The following CCDC149 variants were observed in gnomAD, a reference collection of about 807,000 sequenced individuals.
The protein encoded by CCDC149 is coiled-coil domain-containing protein 149.
In CCDC149, 45 loss-of-function variants were observed where a neutral mutation model predicts 59.9. The observed-to-expected ratio is 0.75, with a 90% CI of 0.59 to 0.96. The LOEUF (loss-of-function observed/expected upper bound fraction) is 0.96. Among genes scored for constraint, CCDC149 ranks in the 40% least tolerant of loss-of-function variants. The probability of loss-of-function intolerance (pLI) is 0.00; values close to 1 mark genes in which losing one functional copy is unlikely to be tolerated. For synonymous variants in CCDC149, 245 were observed against 260.6 expected, an observed-to-expected ratio of 0.94 and a Z score of 0.58; for missense variants, 584 against 664.7, an observed-to-expected ratio of 0.88 and a Z score of 1.33.
chr4:24,821,050 C>A lies in CCDC149; in HGVS notation c.1075+5G>T. The A allele has an allele frequency of 8.1e-7, 1 of 1,230,462 alleles. No individual in the cohort carries two copies. The highest frequency in any genetic ancestry group is 1.0e-6 in the Non-Finnish European group (1 of 986,912). 76.2% of individuals were successfully genotyped at this position (1,230,462 alleles called of 1,614,324 possible). On this transcript the variant is annotated splice_donor_5th_base_variant and intron_variant, in intron 11 of 12. Coordinates refer to ENST00000635206, the MANE Select transcript of CCDC149 (RefSeq NM_001330643.2). Reference sequence around the variant, plus strand: ...ACAAAAACGGATATTTTAAACAGAACATACTCCCAAATCCTACTGAAACAT... The same window carrying A: ...ACAAAAACGGATATTTTAAACAGAAAATACTCCCAAATCCTACTGAAACAT...
chr4:24,887,480 C>G (rs1227843843), intron 1 of CCDC149, among the ~76,000 whole-genome samples: 1 of 152,168 alleles, frequency 6.6e-6, no homozygotes, highest in African/African-American at 2.4e-5. Flanking sequence ...AACTTCTCAG[C>G]TGCAGACTCA....
chr4:24,819,760 G>A lies in CCDC149; in HGVS notation c.1192+99C>T, dbSNP rs887711332. 11 of 842,872 alleles carry A rather than the reference G, an allele frequency of 1.3e-5. No homozygotes were observed. The African/African-American group carries it at 1.8e-4, about 14-fold the overall frequency. The allele number at this position is 842,872 out of a possible 1,614,324, so 52.2% of individuals were successfully genotyped here. A position where few individuals can be genotyped will look rare whatever the true frequency, so the allele number is the denominator to read the frequency against. ...GGAATGTCCCAATGATGCCAAAGCA[G>A]CAGCACAAAGGGGAAGGGGAAGAGA... On this transcript the variant is annotated intron_variant, in intron 12 of 12. Coordinates refer to ENST00000635206, the MANE Select transcript of CCDC149 (RefSeq NM_001330643.2).
intron 1 of CCDC149, among the ~76,000 whole-genome samples, chr4:24,943,809 A>G (rs1380723190): frequency 6.6e-6 from 1 of 152,258 alleles, no homozygotes; most frequent in Non-Finnish European, 1.5e-5. Flanking sequence ...AACACATGAA[A>G]CAATGCTCAT....
At chr4:24,866,108 T>C (rs1281978712) in intron 3 of CCDC149, among the ~76,000 whole-genome samples, 2 of 152,152 alleles carry the variant, frequency 1.3e-5, no homozygotes, top group African/African-American at 4.8e-5. Context: ...GAGACTAAAA[T>C]AAGCTTGACC....
At chr4:24,975,762 C>T (rs1173529702) in intron 1 of CCDC149, among the ~76,000 whole-genome samples, 2 of 151,970 alleles carry the variant, frequency 1.3e-5, no homozygotes, top group Non-Finnish European at 2.9e-5. Context: ...GGAGAAGTAA[C>T]GGGTCCCAGG....
At chr4:24,884,716 C>T (rs1018051795) in intron 1 of CCDC149, among the ~76,000 whole-genome samples, 1 of 152,136 alleles carries the variant, frequency 6.6e-6, no homozygotes, top group East Asian at 1.9e-4. Flanking sequence ...TCAGTTTCTC[C>T]ATTTTTAAAT....
chr4:24,818,187 G>A (rs559840367), intron 12 of CCDC149, among the ~76,000 whole-genome samples: 3 of 152,166 alleles, frequency 2.0e-5, no homozygotes, highest in African/African-American at 7.2e-5. Context: ...TGTAGATGGA[G>A]ATGGAAGGTT....
chr4:24,837,296 C>T lies in CCDC149; in HGVS notation c.594G>A (p.Glu198=), dbSNP rs1716603564. The change falls in exon 6 of 13, where the codon GAG becomes GAA. Residue 198 remains glutamate, a synonymous_variant. Coordinates refer to ENST00000635206, the MANE Select transcript of CCDC149 (RefSeq NM_001330643.2). The surrounding 1 kb of genome is among the most constrained non-coding windows in gnomAD (Gnocchi z 4.3). Reference sequence around the variant, plus strand: ...CGTGCCCACTCAGGATATGGTTCAGCTCCTGGTTGAGCCTCTCCACTTTGT... The same window carrying T: ...CGTGCCCACTCAGGATATGGTTCAGTTCCTGGTTGAGCCTCTCCACTTTGT... The T allele has an allele frequency of 1.2e-6, 2 of 1,614,218 alleles. No homozygotes were observed. Among genetic ancestry groups the T allele is most frequent in the Non-Finnish European group, 1.7e-6 (2 of 1,180,032 alleles).
intron 1 of CCDC149, among the ~76,000 whole-genome samples, chr4:24,899,948 T>C (rs1721073281): frequency 6.6e-6 from 1 of 152,154 alleles, no homozygotes; most frequent in Non-Finnish European, 1.5e-5. Context: ...TGTCTGTACC[T>C]TTGCCATCTC....
chr4:24,952,154 G>GC (rs1363146257), intron 1 of CCDC149, among the ~76,000 whole-genome samples: 3 of 152,166 alleles, frequency 2.0e-5, no homozygotes, highest in African/African-American at 7.2e-5. Context: ...GCATGGTGAA[G>GC]CATACGTGTA....
chr4:24,846,763 G>A (rs150339327), intron 4 of CCDC149, among the ~76,000 whole-genome samples: 3 of 152,164 alleles, frequency 2.0e-5, no homozygotes, highest in African/African-American at 4.8e-5. Context: ...TATCACAACA[G>A]CTAAATTTAA....
intron 3 of CCDC149, among the ~76,000 whole-genome samples, chr4:24,856,931 C>A (rs531967995): frequency 6.6e-6 from 1 of 152,226 alleles, no homozygotes; most frequent in Admixed American, 6.5e-5. Flanking sequence ...AGCAGCCCAG[C>A]GCTTGCTCGG....
intron 1 of CCDC149, among the ~76,000 whole-genome samples, chr4:24,974,296 C>T (rs1005813685): frequency 1.3e-5 from 2 of 152,212 alleles, no homozygotes; most frequent in Non-Finnish European, 2.9e-5. Context: ...GAATTTGCCC[C>T]CGCCCTGAGT....
Position 24,939,495 on chromosome 4 carries a change from C to T in CCDC149, c.-65+40574G>A, listed in dbSNP as rs543081790. On this transcript the variant is annotated intron_variant, in intron 1 of 12. Transcript: ENST00000389609. ...CTCTAAAAATCAGAGTGCCTCTCCT[C>T]CTCCAAAGGAACGCAGCTCCTCACC... 1.6e-3 allele frequency among the ~76,000 whole-genome samples: 242 copies of T among 152,304 alleles called. 1 individual carries two copies. The highest frequency in any genetic ancestry group is 2.9e-3 in the Non-Finnish European group (199 of 68,026).
intron 1 of CCDC149, among the ~76,000 whole-genome samples, chr4:24,973,173 C>G (rs1044625242): frequency 6.6e-6 from 1 of 152,164 alleles, no homozygotes; most frequent in African/African-American, 2.4e-5. Context: ...CAGACCAAAC[C>G]AATATATACC....
chr4:24,907,950 A>G (rs987923141), intron 1 of CCDC149, among the ~76,000 whole-genome samples: 1 of 152,070 alleles, frequency 6.6e-6, no homozygotes, highest in African/African-American at 2.4e-5. Flanking sequence ...CTGTTGTCAC[A>G]TGCCTTCTTC....
At chr4:24,871,761 C>G (rs1719054654) in intron 3 of CCDC149, among the ~76,000 whole-genome samples, 1 of 152,194 alleles carries the variant, frequency 6.6e-6, no homozygotes. Context: ...TTAAATGCTA[C>G]AAAGCCAATG....
intron 4 of CCDC149, among the ~76,000 whole-genome samples, chr4:24,849,946 C>G (rs901552821): frequency 6.6e-6 from 1 of 152,220 alleles, no homozygotes. Context: ...TCCCCCAAGG[C>G]TCAGCAACTG....
At chr4:24,948,229 A>G (rs1723178319) in intron 1 of CCDC149, among the ~76,000 whole-genome samples, 1 of 152,202 alleles carries the variant, frequency 6.6e-6, no homozygotes, top group African/African-American at 2.4e-5. Flanking sequence ...GTTCTCGAGG[A>G]CAAATTAGGG....
Sources: allele counts gnomAD v4.1 joint callset (sites outside exome capture counted in the v4.1 genomes callset), GRCh38; gene constraint gnomAD v4.1.1; non-coding constraint Gnocchi (gnomAD v3.1); transcripts MANE v1.5; gene names NCBI Gene and HGNC (gene_info 2026-07-23, HGNC 2026-07-21).